The following PPFIBP2 variants were observed in gnomAD, a reference collection of about 807,000 sequenced individuals.
PPFIBP2 encodes PPFIB scaffold protein 2, also known as liprin-beta-2.
In PPFIBP2, 118 loss-of-function variants were observed where a neutral mutation model predicts 118.3. The observed-to-expected ratio is 1.00, with a 90% CI of 0.86 to 1.16. The LOEUF (loss-of-function observed/expected upper bound fraction) is 1.16. Ranked by LOEUF, PPFIBP2 falls within the 50% of genes most tolerant of loss-of-function variation. The pLI, the probability that PPFIBP2 is intolerant of heterozygous loss-of-function variation, is 0.00. For synonymous variants in PPFIBP2, 414 were observed against 397.4 expected, an observed-to-expected ratio of 1.04 and a Z score of -0.50; for missense variants, 1,195 against 1,073.1, an observed-to-expected ratio of 1.11 and a Z score of -1.59.
At chr11:7,665,690 C>T in the PPFIBP2 span, 2 of 1,137,180 alleles carry the variant, frequency 1.8e-6, no homozygotes, top group Non-Finnish European at 2.4e-6. Flanking sequence ...CTGCTCCCTG[C>T]AAAAAGCCTC....
chr11:7,553,106 G>A (rs1001673118), intron 2 of PPFIBP2, among the ~76,000 whole-genome samples: 1 of 151,834 alleles, frequency 6.6e-6, no homozygotes, highest in Non-Finnish European at 1.5e-5. Context: ...CCTTTTCATT[G>A]GTTAGGAGGT....
At chr11:7,571,419 G>T (rs1244488272) in intron 3 of PPFIBP2, among the ~76,000 whole-genome samples, 2 of 98,204 alleles carry the variant, frequency 2.0e-5, no homozygotes, top group Admixed American at 7.9e-5. Context: ...TAGAGGAGTT[G>T]CAAAAAAAAA....
chr11:7,617,158 T>C, intron 6 of PPFIBP2: 1 of 985,110 alleles, frequency 1.0e-6, no homozygotes, highest in Non-Finnish European at 1.2e-6. Flanking sequence ...ATGTGTAGGC[T>C]GCAGCTGGAC....
chr11:7,649,725 C>T (rs1853688009), intron 21 of PPFIBP2, 71 bp downstream of exon 21: 4 of 1,582,958 alleles, frequency 2.5e-6, no homozygotes, highest in Middle Eastern at 1.7e-4. Context: ...CATGAGCAAA[C>T]AAGAATGACA....
At chr11:7,636,688 G>A (rs554131016) in intron 14 of PPFIBP2, among the ~76,000 whole-genome samples, 88 of 152,266 alleles carry the variant, frequency 5.8e-4, no homozygotes, top group Non-Finnish European at 9.6e-4. Context: ...GGTTTAAGAC[G>A]CCAATTTGAT....
intron 5 of PPFIBP2, among the ~76,000 whole-genome samples, chr11:7,603,502 T>C (rs1846936793): frequency 6.6e-6 from 1 of 152,192 alleles, no homozygotes. Flanking sequence ...TGCCTTTCCA[T>C]GGCCCACTCT....
At chr11:7,557,193 A>C (rs948503376) in intron 2 of PPFIBP2, among the ~76,000 whole-genome samples, 1 of 151,332 alleles carries the variant, frequency 6.6e-6, no homozygotes, top group Non-Finnish European at 1.5e-5. Flanking sequence ...CTCATCTGCT[A>C]TTTAACCTGT....
At chr11:7,651,593 C>T in intron 22 of PPFIBP2, 63 bp from the exon 23 acceptor site, 1 of 1,477,542 alleles carries the variant, frequency 6.8e-7, no homozygotes, top group Non-Finnish European at 9.2e-7. Context: ...AGTCTCTCAG[C>T]ATCCTCCCCC....
At chr11:7,658,108 C>T (rs1323777990), downstream of PPFIBP2, among the ~76,000 whole-genome samples, 3 of 152,194 alleles carry the variant, frequency 2.0e-5, no homozygotes, top group African/African-American at 7.2e-5. Context: ...GTTACAGATG[C>T]TCCAATATTA....
At position 7,599,101 on chromosome 11, in the gene PPFIBP2, CT is replaced by C. The variant is rs377240276; in HGVS notation, c.486+1439del. 8.6e-3 allele frequency among the ~76,000 whole-genome samples: 1,216 copies of C among 141,782 alleles called. 12 individuals are homozygous for C. Among genetic ancestry groups the C allele is most frequent in the African/African-American group, 0.028 (1,076 of 38,924 alleles). 93.0% of individuals were successfully genotyped at this position (141,782 alleles called of 152,430 possible). A position where few individuals can be genotyped will look rare whatever the true frequency, so the allele number is the denominator to read the frequency against. On this transcript the variant is annotated intron_variant, in intron 5 of 23. Transcript: ENST00000299492. ...ATCTGACTAGCAAAAGGAATTGAGGCTTTTTTTTTTTAATTGAATCTTTCTT... is the reference window on the plus strand; with the variant it reads ...ATCTGACTAGCAAAAGGAATTGAGGCTTTTTTTTTTAATTGAATCTTTCTT...
rs1330463748 is a variant in PPFIBP2, at chr11:7,536,131, G to A, written c.-36-13309G>A. ...TCATCTTAAAGATGAGAAACCCGAG[G>A]CACAGAGGTTAAGTGTCTTGCCCTG... On this transcript the variant is annotated intron_variant, in intron 1 of 23. Transcript: ENST00000299492. Among the ~76,000 whole-genome samples the A allele has an allele frequency of 2.0e-5, 3 of 152,186 alleles. No individual in the cohort carries two copies. The South Asian group carries it at 6.2e-4, about 32-fold the overall frequency.
chr11:7,629,433 C>G lies in PPFIBP2; in HGVS notation c.889-26C>G, dbSNP rs1377882792. The G allele has an allele frequency of 2.5e-6, 4 of 1,606,924 alleles. No homozygotes were observed. In the African/African-American group the frequency reaches 4.0e-5, roughly 16 times the overall value. The stretch of plus-strand genomic sequence containing the variant: ...TCTGAGATGCCAGCATAGCATTAAT[C>G]TAAATCTCTACTTGCACTATGGCAG... On this transcript the variant is annotated intron_variant, in intron 9 of 23. Transcript: ENST00000299492.
chr11:7,642,117 G>T, intron 16 of PPFIBP2, 181 bp from the exon 17 acceptor site: 1 of 673,322 alleles, frequency 1.5e-6, no homozygotes, highest in East Asian at 2.9e-5. Flanking sequence ...TCCGAATTGA[G>T]GCTTGAGTCT....
downstream of PPFIBP2, chr11:7,656,970 G>A (rs1854744352): frequency 4.9e-6 from 2 of 409,942 alleles, no homozygotes; most frequent in Non-Finnish European, 9.3e-6. Context: ...GTCCAGGGGT[G>A]GCCCCAGGGT....
chr11:7,534,077 G>A (rs1018763082), intron 1 of PPFIBP2, among the ~76,000 whole-genome samples: 3 of 152,182 alleles, frequency 2.0e-5, no homozygotes, highest in African/African-American at 7.2e-5. Flanking sequence ...TGAGAGGTAA[G>A]GAGAGTTTGG....
intron 1 of PPFIBP2, among the ~76,000 whole-genome samples, chr11:7,520,974 A>C (rs1849705480): frequency 6.6e-6 from 1 of 152,160 alleles, no homozygotes; most frequent in African/African-American, 2.4e-5. Context: ...TCATCTGGTA[A>C]ATAAGCCTCT....
intron 3 of PPFIBP2, chr11:7,577,440 G>A (rs1162049578): frequency 2.5e-6 from 1 of 403,544 alleles, no homozygotes; most frequent in Non-Finnish European, 5.0e-6. Flanking sequence ...GAGGCTGAAG[G>A]ACGCAGGCCA....
intron 1 of PPFIBP2, among the ~76,000 whole-genome samples, chr11:7,536,733 A>G (rs1851259324): frequency 6.6e-6 from 1 of 152,090 alleles, no homozygotes; most frequent in African/African-American, 2.4e-5. Context: ...AGAAGGAAGA[A>G]GAGACATGTG....
chr11:7,562,866 G>C (rs572429939), intron 2 of PPFIBP2, among the ~76,000 whole-genome samples: 1 of 145,642 alleles, frequency 6.9e-6, no homozygotes, highest in Non-Finnish European at 1.5e-5. Context: ...AGTATTTATT[G>C]ACTATTGGTT....
Sources: gnomAD v4.1 joint callset for allele counts (sites outside exome capture counted in the v4.1 genomes callset) on GRCh38, gnomAD v4.1.1 for gene constraint, MANE v1.5 for transcripts, NCBI Gene and HGNC (gene_info 2026-07-23, HGNC 2026-07-21) for gene names.